DLG2: variants seen among roughly 807,000 people sequenced by gnomAD.
The protein encoded by DLG2 is disks large homolog 2.
Under a neutral mutation model 132.5 loss-of-function variants are expected in DLG2, and 45 were observed. That is an observed-to-expected ratio of 0.34 (90% CI 0.27 to 0.44). The LOEUF (loss-of-function observed/expected upper bound fraction) is 0.44, where lower values mean the gene tolerates loss of function less well. Ranked by LOEUF, DLG2 falls within the 20% of genes least tolerant of loss-of-function variation. DLG2 has a pLI of 1.00. For missense variants in DLG2, 1,045 were observed against 1,196.9 expected, an observed-to-expected ratio of 0.87 and a Z score of 1.87; for synonymous variants, 424 against 419.6, an observed-to-expected ratio of 1.01 and a Z score of -0.13.
At chr11:84,347,452 A>G (rs578159713) in intron 7 of DLG2, among the ~76,000 whole-genome samples, 22 of 152,296 alleles carry the variant, frequency 1.4e-4, no homozygotes, top group Non-Finnish European at 2.9e-5. Flanking sequence ...AATGAAATCA[A>G]TCTCAACCCT....
At chr11:83,777,152 G>A (rs917307060) in intron 18 of DLG2, among the ~76,000 whole-genome samples, 8 of 152,108 alleles carry the variant, frequency 5.3e-5, no homozygotes, top group Non-Finnish European at 1.5e-5. Context: ...ATGTTGTCCT[G>A]CCATTGCTTA....
chr11:84,496,075 C>T (rs910091589), intron 7 of DLG2, among the ~76,000 whole-genome samples: 12 of 152,106 alleles, frequency 7.9e-5, no homozygotes, highest in African/African-American at 2.9e-4. Context: ...CTAAGCTGAA[C>T]TGAGCAGCTG....
At chr11:84,461,008 A>AAT (rs1294094518) in intron 7 of DLG2, among the ~76,000 whole-genome samples, 32 of 150,856 alleles carry the variant, frequency 2.1e-4, no homozygotes. Flanking sequence ...AGGGCAGGAA[A>AAT]ATACATGAAA....
At chr11:83,651,638 G>A in intron 18 of DLG2, 1 of 270,338 alleles carries the variant, frequency 3.7e-6, no homozygotes, top group South Asian at 3.9e-5. Flanking sequence ...AGAAAGAAGA[G>A]GAGTTGGAGG....
chr11:84,656,169 A>G (rs1339405920), intron 6 of DLG2, among the ~76,000 whole-genome samples: 1 of 152,182 alleles, frequency 6.6e-6, no homozygotes, highest in Non-Finnish European at 1.5e-5. Flanking sequence ...TTCACATGGC[A>G]TGCATCGACA....
chr11:84,427,313 A>G (rs2154471447), intron 7 of DLG2, among the ~76,000 whole-genome samples: 1 of 152,338 alleles, frequency 6.6e-6, no homozygotes, highest in Admixed American at 6.5e-5. Flanking sequence ...TAGATTCTTC[A>G]CATGCAGTTT....
chr11:85,437,555 C>A (rs562421331), intron 3 of DLG2, among the ~76,000 whole-genome samples: 24 of 151,992 alleles, frequency 1.6e-4, no homozygotes, highest in Non-Finnish European at 3.1e-4. Flanking sequence ...TCCTCAGTGA[C>A]CTAGTAGGGG....
At chr11:84,873,323 T>C (rs2085786075) in intron 6 of DLG2, among the ~76,000 whole-genome samples, 1 of 152,158 alleles carries the variant, frequency 6.6e-6, no homozygotes. Context: ...CTCTAGAAGC[T>C]GGAAAAGACA....
At chr11:85,069,587 T>C (rs1383990554) in intron 6 of DLG2, among the ~76,000 whole-genome samples, 1 of 152,050 alleles carries the variant, frequency 6.6e-6, no homozygotes, top group Non-Finnish European at 1.5e-5. Flanking sequence ...GAAATGCAAA[T>C]CAAAACCACA....
intron 4 of DLG2, among the ~76,000 whole-genome samples, chr11:85,228,026 C>G (rs1334736817): frequency 6.6e-6 from 1 of 152,058 alleles, no homozygotes; most frequent in Non-Finnish European, 1.5e-5. Context: ...TCCTTTACTA[C>G]TCCTCAATGA....
chr11:84,012,723 G>C (rs2094954800), intron 11 of DLG2, among the ~76,000 whole-genome samples: 2 of 152,176 alleles, frequency 1.3e-5, no homozygotes, highest in Non-Finnish European at 2.9e-5. Flanking sequence ...GGATCAGTCA[G>C]AAAAGTTAAA....
chr11:84,021,418 A>G (rs1197350343), intron 11 of DLG2, among the ~76,000 whole-genome samples: 1 of 152,138 alleles, frequency 6.6e-6, no homozygotes, highest in Non-Finnish European at 1.5e-5. Flanking sequence ...GTTTCAACCT[A>G]TTCTTGACGA....
rs1241265291 is a variant in DLG2 at position 83,884,788 on chromosome 11, C to CA, written c.1497-10301dup. ...ATCAGACATCAGCATTCGCGGTTCA[C>CA]AAAAATCCACTGTTCTGCAGCCACC... On this transcript the variant is annotated intron_variant, in intron 15 of 27. Transcript: ENST00000376104. Among the ~76,000 whole-genome samples, 4 of 152,280 alleles carry CA rather than the reference C, an allele frequency of 2.6e-5. No individual in the cohort carries two copies. In the East Asian group the frequency reaches 7.7e-4, roughly 29 times the overall value.
intron 6 of DLG2, among the ~76,000 whole-genome samples, chr11:85,088,737 C>T (rs555954269): frequency 6.6e-6 from 1 of 152,216 alleles, no homozygotes; most frequent in South Asian, 2.1e-4. Flanking sequence ...CCCCTTTAAG[C>T]TTGTTAAAGA....
At chr11:85,226,605 T>C (rs2074994330) in intron 4 of DLG2, among the ~76,000 whole-genome samples, 1 of 152,044 alleles carries the variant, frequency 6.6e-6, no homozygotes, top group Admixed American at 6.6e-5. Flanking sequence ...TGAATAAATA[T>C]GGAATGAATT....
chr11:85,404,414 T>C (rs767029472), intron 3 of DLG2, among the ~76,000 whole-genome samples: 8 of 151,968 alleles, frequency 5.3e-5, no homozygotes, highest in Non-Finnish European at 1.2e-4. Flanking sequence ...CCAACCACTC[T>C]ATTCTATTAT....
chr11:84,308,662 C>T (rs2098254675), intron 7 of DLG2, among the ~76,000 whole-genome samples: 2 of 152,098 alleles, frequency 1.3e-5, no homozygotes, highest in Non-Finnish European at 2.9e-5. Flanking sequence ...GAGGCTCAGG[C>T]ATGGTCCCGA....
At chr11:84,603,598 C>T (rs1262972221) in intron 6 of DLG2, among the ~76,000 whole-genome samples, 1 of 151,984 alleles carries the variant, frequency 6.6e-6, no homozygotes, top group Non-Finnish European at 1.5e-5. Flanking sequence ...CACTCATCCT[C>T]TTAATGGCTT....
intron 6 of DLG2, among the ~76,000 whole-genome samples, chr11:84,722,609 G>A (rs943453070): frequency 3.1e-4 from 47 of 152,214 alleles, no homozygotes; most frequent in Admixed American, 9.2e-4. Flanking sequence ...CATCCCATAG[G>A]CCAGTAGAAT....
Sources: gnomAD v4.1 joint callset for allele counts (sites outside exome capture counted in the v4.1 genomes callset) on GRCh38, gnomAD v4.1.1 for gene constraint, MANE v1.5 for transcripts, NCBI Gene and HGNC (gene_info 2026-07-23, HGNC 2026-07-21) for gene names.